Variants in RBFOX1 observed in about 807,000 individuals in gnomAD.
The protein encoded by RBFOX1 is RNA binding fox-1 homolog 1.
A neutral mutation model predicts 57.7 loss-of-function variants in RBFOX1; 8 were observed. The ratio of observed to expected loss-of-function variants is 0.14; its 90% confidence interval spans 0.08 to 0.25. RBFOX1 has a LOEUF of 0.25. RBFOX1 is among the 10% of genes least tolerant of loss of function. The pLI is 1.00. For synonymous variants in RBFOX1, 326 were observed against 222.4 expected (o/e 1.47, Z -4.15); for missense variants, 611 against 548.5 (o/e 1.11, Z -1.14).
chr16:5,930,445 C>T (rs1597835380), intron 4 of RBFOX1, among the ~76,000 whole-genome samples: 1 of 32,590 alleles, frequency 3.1e-5, no homozygotes, highest in Admixed American at 4.1e-4. Context: ...TGGATGGAAG[C>T]ATGGTTGGGT....
At chr16:7,673,315 G>C (rs536995070) in intron 13 of RBFOX1, among the ~76,000 whole-genome samples, 1 of 152,286 alleles carries the variant, frequency 6.6e-6, no homozygotes, top group East Asian at 1.9e-4. Context: ...CACAAACAGA[G>C]TAACCAGTTT....
chr16:7,163,565 A>G (rs1321359577), intron 4 of RBFOX1, among the ~76,000 whole-genome samples: 2 of 151,840 alleles, frequency 1.3e-5, no homozygotes, highest in African/African-American at 4.8e-5. Context: ...CTAGAATCTC[A>G]ATAAGCTCTT....
intron 3 of RBFOX1, among the ~76,000 whole-genome samples, chr16:5,724,902 A>G (rs916285188): frequency 6.6e-6 from 1 of 152,208 alleles, no homozygotes; most frequent in Non-Finnish European, 1.5e-5. Context: ...ATTGTCTGTG[A>G]TTCCTGCCAC....
intron 15 of RBFOX1, chr16:7,710,419 G>A: frequency 7.2e-7 from 1 of 1,393,912 alleles, no homozygotes; most frequent in Non-Finnish European, 9.2e-7. Flanking sequence ...ATTTGGTTTT[G>A]CAGGGAATTT....
intron 1 of RBFOX1, among the ~76,000 whole-genome samples, chr16:6,232,797 G>C (rs1159496425): frequency 3.3e-5 from 5 of 152,056 alleles, no homozygotes; most frequent in Non-Finnish European, 7.4e-5. Flanking sequence ...CTTCCACTTG[G>C]ACTGGTGATG....
At position 5,374,397 on chromosome 16, in the gene RBFOX1, TAGTC is replaced by T. The variant is rs568469509; in HGVS notation, c.220-92818_220-92815del. On this transcript the variant is annotated intron_variant, in intron 1 of 2. Transcript: ENST00000585867. ...TTCCTGGAGGAGGTGGCCTTTGAGT[TAGTC>T]CTTAAATTTGCATGTATGGAGATTG... is the stretch of plus-strand genomic sequence containing the variant. Among the ~76,000 whole-genome samples the T allele has an allele frequency of 2.1e-3, 327 of 152,316 alleles. 3 individuals carry two copies. Among genetic ancestry groups the T allele is most frequent in the Non-Finnish European group, 1.1e-3 (73 of 68,020 alleles).
intron 1 of RBFOX1, among the ~76,000 whole-genome samples, chr16:5,397,764 C>T (rs1471468462): frequency 6.6e-6 from 1 of 152,096 alleles, no homozygotes. Flanking sequence ...GACCTGAAGT[C>T]AATGAAAATA....
At chr16:5,671,986 C>G (rs560853488) in intron 3 of RBFOX1, among the ~76,000 whole-genome samples, 1 of 152,094 alleles carries the variant, frequency 6.6e-6, no homozygotes, top group Non-Finnish European at 1.5e-5. Flanking sequence ...AAAGCCTGTC[C>G]TATGTTCTTC....
intron 1 of RBFOX1, among the ~76,000 whole-genome samples, chr16:5,282,502 G>A (rs1357905492): frequency 6.6e-6 from 1 of 152,224 alleles, no homozygotes; most frequent in Non-Finnish European, 1.5e-5. Context: ...AGCCCAAAAT[G>A]CTGATAGTTA....
intron 3 of RBFOX1, among the ~76,000 whole-genome samples, chr16:5,807,254 G>A (rs188372228): frequency 3.9e-5 from 6 of 152,258 alleles, no homozygotes; most frequent in African/African-American, 9.6e-5. Flanking sequence ...CTCCCTTCAC[G>A]GGGGCTGTGG....
chr16:5,585,267 T>C (rs905061188), intron 2 of RBFOX1, among the ~76,000 whole-genome samples: 1 of 152,196 alleles, frequency 6.6e-6, no homozygotes, highest in Non-Finnish European at 1.5e-5. Flanking sequence ...ATGCAATGTA[T>C]GGTATTGGTA....
intron 4 of RBFOX1, among the ~76,000 whole-genome samples, chr16:7,317,663 C>T (rs1171438142): frequency 2.6e-5 from 4 of 152,134 alleles, no homozygotes; most frequent in Admixed American, 2.6e-4. Flanking sequence ...GTACCTCCAC[C>T]CGCTGCCTCC....
intron 2 of RBFOX1, among the ~76,000 whole-genome samples, chr16:6,572,601 T>C: frequency 7.4e-6 from 1 of 135,634 alleles, no homozygotes; most frequent in East Asian, 2.0e-4. Flanking sequence ...CTTCTCTGTC[T>C]TTTTTTTTTT....
intron 3 of RBFOX1, among the ~76,000 whole-genome samples, chr16:5,832,424 G>A (rs773819276): frequency 3.9e-5 from 6 of 152,196 alleles, no homozygotes; most frequent in African/African-American, 1.2e-4. Flanking sequence ...TCTTGGGATC[G>A]TTACTTGACA....
At chr16:5,903,549 G>A (rs954267611) in intron 4 of RBFOX1, among the ~76,000 whole-genome samples, 1 of 152,176 alleles carries the variant, frequency 6.6e-6, no homozygotes, top group East Asian at 1.9e-4. Flanking sequence ...ATAGAAAGGA[G>A]ACAGGCAGGG....
chr16:7,680,768 T>C (rs1348951972), intron 14 of RBFOX1, among the ~76,000 whole-genome samples: 2 of 152,192 alleles, frequency 1.3e-5, no homozygotes, highest in Non-Finnish European at 2.9e-5. Context: ...ATTGCTACTT[T>C]TGTGTGACAA....
chr16:7,263,602 A>G (rs1567946386), intron 4 of RBFOX1, among the ~76,000 whole-genome samples: 2 of 152,088 alleles, frequency 1.3e-5, no homozygotes, highest in Admixed American at 6.6e-5. Context: ...AAGGGGTGAT[A>G]AGAGGTAGAA....
chr16:7,152,724 T>G (rs553206770), intron 4 of RBFOX1, among the ~76,000 whole-genome samples: 7 of 152,326 alleles, frequency 4.6e-5, no homozygotes, highest in African/African-American at 1.7e-4. Flanking sequence ...CTGGTTATCT[T>G]GACTCCTGGA....
intron 4 of RBFOX1, chr16:7,304,194 G>C (rs1482538695): frequency 2.1e-6 from 2 of 951,568 alleles, no homozygotes; most frequent in Non-Finnish European, 2.4e-6. Flanking sequence ...GAAAGAGGGG[G>C]AGAGAGACAG....
Sources: allele counts gnomAD v4.1 joint callset (sites outside exome capture counted in the v4.1 genomes callset), GRCh38; gene constraint gnomAD v4.1.1; transcripts MANE v1.5; gene names NCBI Gene and HGNC (gene_info 2026-07-23, HGNC 2026-07-21).